MAPK8: variants seen among roughly 807,000 people sequenced by gnomAD.
The protein encoded by MAPK8 is mitogen-activated protein kinase 8.
In MAPK8, 13 loss-of-function variants were observed where a neutral mutation model predicts 52.9. That is an observed-to-expected ratio of 0.25 (90% CI 0.16 to 0.39). MAPK8 has a LOEUF of 0.39. MAPK8 is among the 10% of genes least tolerant of loss of function. MAPK8 has a pLI of 1.00. For missense variants in MAPK8, 300 were observed against 519.2 expected, an observed-to-expected ratio of 0.58 and a Z score of 4.10; for synonymous variants, 191 against 169.8, an observed-to-expected ratio of 1.12 and a Z score of -0.97.
intron 8 of MAPK8, 87 bp from the exon 9 acceptor site, chr10:48,426,293 T>A (rs148567327): frequency 3.3e-6 from 4 of 1,219,076 alleles, no homozygotes; most frequent in African/African-American, 3.1e-5. Context: ...AAACATATGC[T>A]TTTTAAAAAA....
At chr10:48,422,006 CTTATTTATTTATTTATTTATTTAT>C in intron 6 of MAPK8, among the ~76,000 whole-genome samples, 1 of 143,956 alleles carries the variant, frequency 6.9e-6, no homozygotes, top group South Asian at 2.2e-4. Flanking sequence ...TTTTATTTAT[CTTATTTATTTATTTATTTATTTAT>C]TTATTTATTT....
At chr10:48,332,548 CT>C in intron 1 of MAPK8, among the ~76,000 whole-genome samples, 1 of 152,180 alleles carries the variant, frequency 6.6e-6, no homozygotes, top group Admixed American at 6.5e-5. Context: ...CTTCTTTCTT[CT>C]CTCTGATAAA....
At chr10:48,339,114 A>C (rs1301893038) in intron 1 of MAPK8, among the ~76,000 whole-genome samples, 1 of 152,140 alleles carries the variant, frequency 6.6e-6, no homozygotes, top group Non-Finnish European at 1.5e-5. Context: ...AATACAATAG[A>C]GCCTAAATAG....
chr10:48,350,258 A>G (rs1846180451), intron 1 of MAPK8, among the ~76,000 whole-genome samples: 1 of 152,220 alleles, frequency 6.6e-6, no homozygotes, highest in Non-Finnish European at 1.5e-5. Context: ...CTTCTCCGTA[A>G]CTCATTTTAT....
At position 48,409,872 on chromosome 10, in the gene MAPK8, A is replaced by G; in HGVS notation, c.253-7A>G. On this transcript the variant is annotated splice_region_variant and splice_polypyrimidine_tract_variant and intron_variant, in intron 3 of 11. Transcript: ENST00000374189. ...CTAATTTTTCTGTCTCTCGACTTTT[A>G]TTATAGATAATTGGCCTTTTGAATG... is the stretch of plus-strand genomic sequence containing the variant. 1.3e-6 allele frequency: 2 copies of G among 1,594,650 alleles called. No individual in the cohort carries two copies. The highest frequency in any genetic ancestry group is 1.7e-6 in the Non-Finnish European group (2 of 1,165,204).
intron 1 of MAPK8, among the ~76,000 whole-genome samples, chr10:48,380,338 A>G (rs1201828947): frequency 6.6e-6 from 1 of 152,218 alleles, no homozygotes; most frequent in African/African-American, 2.4e-5. Flanking sequence ...TATCAATACA[A>G]CTGTAACTCA....
chr10:48,436,706 G>A lies in MAPK8; in HGVS notation c.*1677G>A, dbSNP rs1017632923. On this transcript the variant is annotated 3_prime_UTR_variant, in exon 12 of 12. Coordinates refer to ENST00000374189, the MANE Select transcript of MAPK8 (RefSeq NM_001323329.2). The stretch of plus-strand genomic sequence containing the variant: ...ATCACTGTTAATGTGCAATATTTAA[G>A]ATTAAAATACATTAGCTTTTTTATA... The A allele has an allele frequency of 7.9e-5, 12 of 152,190 alleles. No individual in the cohort carries two copies. Among genetic ancestry groups the A allele is most frequent in the African/African-American group, 2.9e-4 (12 of 41,448 alleles). The allele number at this position is 152,190 out of a possible 1,614,324, so 9.4% of individuals were successfully genotyped here.
intron 11 of MAPK8, among the ~76,000 whole-genome samples, chr10:48,433,520 G>A (rs1313141997): frequency 6.6e-6 from 1 of 152,054 alleles, no homozygotes; most frequent in African/African-American, 2.4e-5. Flanking sequence ...CCTTTCTTGG[G>A]TCTAGGAGAT....
chr10:48,336,037 T>C (rs991739353), intron 1 of MAPK8, among the ~76,000 whole-genome samples: 7 of 152,186 alleles, frequency 4.6e-5, no homozygotes, highest in Non-Finnish European at 2.9e-5. Context: ...ATTGTCATAG[T>C]GTGGTTTGAG....
intron 1 of MAPK8, among the ~76,000 whole-genome samples, chr10:48,361,620 C>G (rs565404971): frequency 5.2e-4 from 79 of 152,182 alleles, no homozygotes; most frequent in Non-Finnish European, 1.1e-3. Flanking sequence ...TTTACCACTT[C>G]ATACTACTAA....
intron 1 of MAPK8, among the ~76,000 whole-genome samples, chr10:48,376,892 A>G (rs566198333): frequency 6.6e-6 from 1 of 152,330 alleles, no homozygotes; most frequent in African/African-American, 2.4e-5. Context: ...ATTATAAATC[A>G]TTCTACTATA....
intron 1 of MAPK8, among the ~76,000 whole-genome samples, chr10:48,357,423 C>T (rs1847085062): frequency 6.6e-6 from 1 of 152,176 alleles, no homozygotes; most frequent in Non-Finnish European, 1.5e-5. Flanking sequence ...GAGACAGGGT[C>T]TCGCTCTTTT....
chr10:48,363,277 G>A (rs893950879), intron 1 of MAPK8, among the ~76,000 whole-genome samples: 2 of 152,208 alleles, frequency 1.3e-5, no homozygotes, highest in Non-Finnish European at 2.9e-5. Flanking sequence ...GAGTCCCCTG[G>A]CAGAAAGGTA....
rs1002867750 is a variant in MAPK8, at chr10:48,420,054, A to G, written c.451-101A>G. ...AATATTACAGTGAGAAAAACGAACA[A>G]TTAACATGAATGTTTTGCAAGGGAT... On this transcript the variant is annotated intron_variant, in intron 5 of 11. Coordinates refer to ENST00000374189, the MANE Select transcript of MAPK8 (RefSeq NM_001323329.2). 3.6e-5 allele frequency: 31 copies of G among 868,614 alleles called. No homozygotes were observed. In the African/African-American group the frequency reaches 4.0e-4, roughly 11 times the overall value. The allele number at this position is 868,614 out of a possible 1,614,324, so 53.8% of individuals were successfully genotyped here.
intron 11 of MAPK8, among the ~76,000 whole-genome samples, chr10:48,434,304 G>A (rs1440618408): frequency 6.6e-6 from 1 of 152,172 alleles, no homozygotes; most frequent in African/African-American, 2.4e-5. Flanking sequence ...GTAAAGTGGG[G>A]CAGTTGAATT....
chr10:48,379,949 A>AC (rs1012093908), intron 1 of MAPK8, among the ~76,000 whole-genome samples: 13 of 151,458 alleles, frequency 8.6e-5, no homozygotes, highest in African/African-American at 2.4e-4. Flanking sequence ...AAAAAAAAAA[A>AC]AAAAAAAAAA....
chr10:48,434,071 A>G (rs1200461312), intron 11 of MAPK8, among the ~76,000 whole-genome samples: 1 of 152,092 alleles, frequency 6.6e-6, no homozygotes, highest in African/African-American at 2.4e-5. Context: ...TCCTAAACCA[A>G]TCCCCTTGAG....
intron 1 of MAPK8, among the ~76,000 whole-genome samples, chr10:48,353,023 T>G (rs1381042661): frequency 6.6e-6 from 1 of 152,154 alleles, no homozygotes; most frequent in Non-Finnish European, 1.5e-5. Flanking sequence ...GTGAAATACC[T>G]AGATATCAGT....
chr10:48,338,815 T>G (rs1309393038), intron 1 of MAPK8, among the ~76,000 whole-genome samples: 2 of 151,400 alleles, frequency 1.3e-5, no homozygotes, highest in Non-Finnish European at 3.0e-5. Context: ...AGAACTAATT[T>G]ACAATAGACA....
Sources: gnomAD v4.1 joint callset for allele counts (sites outside exome capture counted in the v4.1 genomes callset) on GRCh38, gnomAD v4.1.1 for gene constraint, MANE v1.5 for transcripts, NCBI Gene and HGNC (gene_info 2026-07-23, HGNC 2026-07-21) for gene names.